MAPK4: variants seen among roughly 807,000 people sequenced by gnomAD.
MAPK4 encodes Erk3-related.
A neutral mutation model predicts 47.7 loss-of-function variants in MAPK4; 22 were observed. The ratio of observed to expected loss-of-function variants is 0.46; its 90% CI spans 0.33 to 0.66. The LOEUF is 0.66. Ranked by LOEUF, MAPK4 falls within the 30% of genes least tolerant of loss-of-function variation. MAPK4 has a pLI of 0.02. For synonymous variants in MAPK4, 390 were observed against 365.7 expected (o/e 1.07, Z -0.76); for missense variants, 736 against 831.7 (o/e 0.88, Z 1.42).
chr18:50,611,092 C>T (rs1019052074), intron 1 of MAPK4, among the ~76,000 whole-genome samples: 5 of 152,136 alleles, frequency 3.3e-5, no homozygotes, highest in Admixed American at 2.0e-4. Flanking sequence ...AGTCTTCTTA[C>T]ATGAGTGACA....
intron 2 of MAPK4, among the ~76,000 whole-genome samples, chr18:50,709,347 G>A (rs945169204): frequency 2.0e-5 from 3 of 152,192 alleles, no homozygotes; most frequent in African/African-American, 4.8e-5. Context: ...CAGACTGCCC[G>A]GGGAATTGGG....
chr18:50,635,105 A>G (rs941065449), intron 1 of MAPK4, among the ~76,000 whole-genome samples: 7 of 152,310 alleles, frequency 4.6e-5, no homozygotes, highest in Admixed American at 1.3e-4. Context: ...ACTAATCATT[A>G]TATCTCCAGG....
At chr18:50,642,369 A>G (rs1213087068) in intron 1 of MAPK4, among the ~76,000 whole-genome samples, 1 of 152,226 alleles carries the variant, frequency 6.6e-6, no homozygotes, top group Non-Finnish European at 1.5e-5. Context: ...GTGATGGTTC[A>G]ATTGATCATT....
chr18:50,589,669 G>A (rs1022501088), intron 1 of MAPK4, among the ~76,000 whole-genome samples: 9 of 151,896 alleles, frequency 5.9e-5, no homozygotes, highest in African/African-American at 4.8e-5. Context: ...GCAAATTATC[G>A]TTTAAATCTA....
intron 2 of MAPK4, among the ~76,000 whole-genome samples, chr18:50,695,708 G>A (rs548029984): frequency 3.9e-5 from 6 of 152,290 alleles, no homozygotes; most frequent in Non-Finnish European, 7.4e-5. Context: ...GGATGAGGAC[G>A]GAGGCAGAGG....
intron 2 of MAPK4, among the ~76,000 whole-genome samples, chr18:50,712,938 G>A (rs1411810532): frequency 1.3e-5 from 2 of 152,160 alleles, no homozygotes. Context: ...GCTTGTTCCT[G>A]TAACTTTTAG....
chr18:50,688,142 T>TG (rs1179178144), intron 2 of MAPK4, among the ~76,000 whole-genome samples: 1 of 151,968 alleles, frequency 6.6e-6, no homozygotes. Context: ...TACAGTCTGG[T>TG]GGGGGAGGCG....
rs72917624 is a variant in MAPK4 at position 50,579,865 on chromosome 18, G to A, written c.-871+19622G>A. Among the ~76,000 whole-genome samples, 926 of 152,328 alleles carry A rather than the reference G, an allele frequency of 6.1e-3. 4 individuals are homozygous for A. Among genetic ancestry groups the A allele is most frequent in the South Asian group, 0.011 (52 of 4,828 alleles). On this transcript the variant is annotated intron_variant, in intron 1 of 5. Transcript: ENST00000400384. ...TGGGCTAATTGTTGGCTAGGGACAAGTGCAAAGGGTGTTAGAAGGGGAGTG... is the reference window on the plus strand; with the variant it reads ...TGGGCTAATTGTTGGCTAGGGACAAATGCAAAGGGTGTTAGAAGGGGAGTG...
At chr18:50,562,144 G>T (rs935957198) in intron 1 of MAPK4, among the ~76,000 whole-genome samples, 1 of 152,090 alleles carries the variant, frequency 6.6e-6, no homozygotes, top group African/African-American at 2.4e-5. Context: ...TTTTCTTCAT[G>T]TCAGAAATTA....
chr18:50,624,990 C>T (rs557573065), intron 1 of MAPK4, among the ~76,000 whole-genome samples: 4 of 152,222 alleles, frequency 2.6e-5, no homozygotes, highest in Non-Finnish European at 5.9e-5. Context: ...CTATCTTGTC[C>T]CTCAGCCTGT....
intron 2 of MAPK4, among the ~76,000 whole-genome samples, chr18:50,684,128 C>T (rs1183040213): frequency 6.6e-6 from 1 of 152,160 alleles, no homozygotes; most frequent in African/African-American, 2.4e-5. Flanking sequence ...GAGGGGGCTG[C>T]CCTGTTGCTA....
chr18:50,593,798 C>G (rs2042458678), intron 1 of MAPK4, among the ~76,000 whole-genome samples: 1 of 152,146 alleles, frequency 6.6e-6, no homozygotes, highest in Non-Finnish European at 1.5e-5. Context: ...TGTTAGAGGA[C>G]TCACACTACC....
At chr18:50,570,989 A>G (rs2042245200) in intron 1 of MAPK4, among the ~76,000 whole-genome samples, 1 of 152,042 alleles carries the variant, frequency 6.6e-6, no homozygotes, top group African/African-American at 2.4e-5. Context: ...TGGAAATTTT[A>G]GAGCTGAGCT....
intron 1 of MAPK4, among the ~76,000 whole-genome samples, chr18:50,561,803 G>C (rs547547034): frequency 2.0e-4 from 30 of 152,310 alleles, no homozygotes; most frequent in African/African-American, 6.5e-4. Flanking sequence ...TAGTAAAAAG[G>C]CTTGCTCTGG....
intron 2 of MAPK4, among the ~76,000 whole-genome samples, chr18:50,693,924 T>C (rs540971239): frequency 3.9e-5 from 6 of 152,312 alleles, no homozygotes; most frequent in African/African-American, 1.4e-4. Context: ...ACCCTGTTCC[T>C]TGGATCCCCA....
At chr18:50,688,840 C>T (rs1203952789) in intron 2 of MAPK4, among the ~76,000 whole-genome samples, 5 of 138,140 alleles carry the variant, frequency 3.6e-5, no homozygotes, top group African/African-American at 1.4e-4. Context: ...CACTAAAGAA[C>T]TTACTCATAT....
At chr18:50,640,849 C>T (rs1243605117) in intron 1 of MAPK4, among the ~76,000 whole-genome samples, 4 of 152,100 alleles carry the variant, frequency 2.6e-5, no homozygotes, top group Admixed American at 2.0e-4. Context: ...TGCATTAGTG[C>T]CTGCGCAGTC....
In MAPK4 at chr18:50,715,193, G is replaced by A; in HGVS notation, c.661G>A (p.Glu221Lys). Residue 221 changes from glutamate to lysine, a missense_variant, in exon 3 of 6, where the codon GAG (glutamate) becomes AAG (lysine). Transcript: ENST00000400384. ...GTGGGCCGCCGGCTGCATCCTGGCTGAGATGCTTACGGGGAGAATGCTCTT... is the reference window on the plus strand; with the variant it reads ...GTGGGCCGCCGGCTGCATCCTGGCTAAGATGCTTACGGGGAGAATGCTCTT... The part of the protein sequence containing the change: ...DMWAAGCILA[E>K]MLTGRMLFAG... 6.2e-7 allele frequency: 1 copy of A among 1,614,146 alleles called. No individual in the cohort carries two copies. Among genetic ancestry groups the A allele is most frequent in the Non-Finnish European group, 8.5e-7 (1 of 1,180,012 alleles).
chr18:50,729,268 T>C lies in MAPK4; in HGVS notation c.1178T>C (p.Val393Ala), dbSNP rs760312632. ...GGTTCGGCGCCACTGGCTGAGGACGTGCAGGTGGACCCGCGCAAGGACTCG... is the reference window on the plus strand; with the variant it reads ...GGTTCGGCGCCACTGGCTGAGGACGCGCAGGTGGACCCGCGCAAGGACTCG... ...RAGSAPLAED[V>A]QVDPRKDSHS... is the part of the protein sequence containing the mutation. The change falls in exon 6 of 6, where the codon GTG (valine) becomes GCG (alanine). Residue 393 changes from valine to alanine, a missense_variant. Val to Ala is a moderately conservative substitution (Grantham distance 64). This residue lies in a region of MAPK4 where 377 missense variants were observed against 378.6 expected (regional missense o/e 1.00). Coordinates refer to ENST00000400384, the MANE Select transcript of MAPK4 (RefSeq NM_002747.4). The C allele has an allele frequency of 1.2e-6, 2 of 1,609,730 alleles. No homozygotes were observed. Among genetic ancestry groups the C allele is most frequent in the African/African-American group, 1.3e-5 (1 of 74,880 alleles).
Sources: gnomAD v4.1 joint callset for allele counts (sites outside exome capture counted in the v4.1 genomes callset) on GRCh38, gnomAD v4.1.1 for gene constraint, gnomAD v4.1.1 regional missense constraint, MANE v1.5 for transcripts, NCBI Gene and HGNC (gene_info 2026-07-23, HGNC 2026-07-21) for gene names.